The following ARFGEF3 variants were observed in gnomAD, a reference collection of about 807,000 sequenced individuals.
ARFGEF3 encodes brefeldin A-inhibited guanine nucleotide-exchange protein 3.
In ARFGEF3, 96 loss-of-function variants were observed where a neutral mutation model predicts 221.7. The ratio of observed to expected loss-of-function variants is 0.43; its 90% confidence interval spans 0.37 to 0.51. The LOEUF is 0.51. Ranked by LOEUF, ARFGEF3 falls within the 20% of genes least tolerant of loss-of-function variation. ARFGEF3 has a pLI of 0.00. For missense variants in ARFGEF3, 2,410 were observed against 2,789.9 expected (o/e 0.86, Z 3.07); for synonymous variants, 1,145 against 1,126.8 (o/e 1.02, Z -0.32).
At chr6:138,183,731 G>T (rs958257764) in intron 2 of ARFGEF3, among the ~76,000 whole-genome samples, 4 of 152,200 alleles carry the variant, frequency 2.6e-5, no homozygotes, top group Non-Finnish European at 5.9e-5. Flanking sequence ...TGCAAGTCCT[G>T]GTTCTCCTAC....
chr6:138,250,091 G>A (rs910169943), intron 8 of ARFGEF3, among the ~76,000 whole-genome samples: 3 of 152,228 alleles, frequency 2.0e-5, no homozygotes, highest in South Asian at 2.1e-4. Context: ...CTGAATAGGC[G>A]ATTCCTCTGA....
At chr6:138,263,737 C>T in intron 12 of ARFGEF3, 126 bp downstream of exon 12, 3 of 940,704 alleles carry the variant, frequency 3.2e-6, no homozygotes, top group African/African-American at 1.7e-5. Context: ...TTGGGTTTCC[C>T]CAGTTTAAAG....
At chr6:138,323,367 G>A (rs1209407170) in intron 29 of ARFGEF3, among the ~76,000 whole-genome samples, 3 of 152,124 alleles carry the variant, frequency 2.0e-5, no homozygotes, top group Non-Finnish European at 2.9e-5. Context: ...ATATCAGCAC[G>A]TTGGGAGGCC....
At chr6:138,169,692 CCTTGT>C (rs546355206) in intron 1 of ARFGEF3, among the ~76,000 whole-genome samples, 116 of 152,324 alleles carry the variant, frequency 7.6e-4, no homozygotes, top group Non-Finnish European at 1.5e-3. Context: ...CCTCCATTGG[CCTTGT>C]CTTCACAGAA....
At chr6:138,197,288 A>G (rs947217046) in intron 2 of ARFGEF3, among the ~76,000 whole-genome samples, 2 of 152,210 alleles carry the variant, frequency 1.3e-5, no homozygotes, top group Non-Finnish European at 2.9e-5. Flanking sequence ...AGTAAAATGC[A>G]TGGAGCTGTC....
At chr6:138,330,538 C>T (rs184082820) in intron 32 of ARFGEF3, among the ~76,000 whole-genome samples, 6 of 152,148 alleles carry the variant, frequency 3.9e-5, no homozygotes, top group Non-Finnish European at 7.4e-5. Flanking sequence ...GGCGTGCTGG[C>T]TCATGCCTGT....
In ARFGEF3 at chr6:138,334,574, G is replaced by C. The variant is rs1780286216; in HGVS notation, c.5728G>C (p.Glu1910Gln). ...LVKRLHKLCMELCNNYIQMHL... is the reference protein window; with the variant it reads ...LVKRLHKLCMQLCNNYIQMHL... ...CAAGAGGCTGCACAAGCTGTGCATG[G>C]AACTGTGCAACAACTACATCCAGAT... Residue 1910 changes from glutamate (E) to glutamine (Q), a missense_variant, in exon 33 of 34, where the codon GAA becomes CAA. Around this residue, in one of 5 missense-constraint regions of ARFGEF3, gnomAD observed 723 missense variants for 991.9 expected, o/e 0.73. Transcript: ENST00000251691. The surrounding 1 kb of genome is among the most constrained non-coding windows in gnomAD (Gnocchi z 5.1). The C allele has an allele frequency of 7.4e-6, 12 of 1,613,542 alleles. No individual in the cohort carries two copies. The highest frequency in any genetic ancestry group is 1.0e-5 in the Non-Finnish European group (12 of 1,179,900).
In ARFGEF3 at chr6:138,335,171, G is replaced by C. The variant is rs756877876; in HGVS notation, c.6325G>C (p.Ala2109Pro). The C allele has an allele frequency of 1.3e-6, 2 of 1,551,790 alleles. No individual in the cohort carries two copies. The change falls in exon 33 of 34, where the codon GCA becomes CCA. Residue 2109 changes from alanine to proline, a missense_variant. This residue lies in a region of ARFGEF3 where 339 missense variants were observed against 334.9 expected (regional missense o/e 1.01). Coordinates refer to ENST00000251691, the MANE Select transcript of ARFGEF3 (RefSeq NM_020340.5). ...GSSLSVSVRD[A>P]EAQIQAWTNM... ...CTCCCTCAGTGTCTCGGTGAGAGAC[G>C]CAGAAGCACAGATCCAGGTACATCC...
chr6:138,215,223 G>C (rs113533967), intron 4 of ARFGEF3, among the ~76,000 whole-genome samples: 1 of 152,122 alleles, frequency 6.6e-6, no homozygotes, highest in Non-Finnish European at 1.5e-5. Context: ...AACTGATACA[G>C]CTGGCTGAGT....
In ARFGEF3 at chr6:138,336,795, A is replaced by G. The variant is rs1583074391; in HGVS notation, c.*309A>G. 1 of 194,702 alleles carries G rather than the reference A, an allele frequency of 5.1e-6. No individual in the cohort carries two copies. Among genetic ancestry groups the G allele is most frequent in the African/African-American group, 2.3e-5 (1 of 43,250 alleles). The allele number at this position is 194,702 out of a possible 1,614,324, so 12.1% of individuals were successfully genotyped here. On this transcript the variant is annotated 3_prime_UTR_variant, in exon 34 of 34. Coordinates refer to ENST00000251691, the MANE Select transcript of ARFGEF3 (RefSeq NM_020340.5). ...GCTTTTGCTTACAGTGTTGTCCCCA[A>G]ATGGGTCATTTTCAAGGATTACTCA...
chr6:138,184,401 T>C (rs1386288903), intron 2 of ARFGEF3, among the ~76,000 whole-genome samples: 1 of 152,124 alleles, frequency 6.6e-6, no homozygotes, highest in Non-Finnish European at 1.5e-5. Flanking sequence ...AACAAGTGAA[T>C]GAAATGTCAC....
intron 6 of ARFGEF3, among the ~76,000 whole-genome samples, chr6:138,239,254 T>C (rs1053801597): frequency 3.3e-5 from 5 of 152,204 alleles, no homozygotes; most frequent in Non-Finnish European, 7.4e-5. Context: ...TGGTGTTTTG[T>C]GTTGTTTTAA....
rs1217802093 is a variant in ARFGEF3 at position 138,319,715 on chromosome 6, G to GTATC, written c.4491_4494dup (p.Ala1499LeufsTer20). Reference sequence around the variant, plus strand: ...TTTTCTTTTTCAGGACCAGGGTTTGGTATCTATGCAGTGGTTCACCTCCTC... The same window carrying GTATC: ...TTTTCTTTTTCAGGACCAGGGTTTGGTATCTATCTATGCAGTGGTTCACCTCCTC... On this transcript the variant is annotated frameshift_variant, in exon 28 of 34. Coordinates refer to ENST00000251691, the MANE Select transcript of ARFGEF3 (RefSeq NM_020340.5). LOFTEE classifies it high-confidence loss of function. 6.3e-7 allele frequency: 1 copy of GTATC among 1,597,756 alleles called. No homozygotes were observed. Among genetic ancestry groups the GTATC allele is most frequent in the African/African-American group, 1.4e-5 (1 of 74,058 alleles).
chr6:138,224,080 T>C (rs898922785), intron 4 of ARFGEF3, among the ~76,000 whole-genome samples: 3 of 152,192 alleles, frequency 2.0e-5, no homozygotes, highest in African/African-American at 7.2e-5. Flanking sequence ...AGCTGCTCTC[T>C]CATCACTTTA....
At chr6:138,331,957 C>G in intron 32 of ARFGEF3, among the ~76,000 whole-genome samples, 1 of 151,884 alleles carries the variant, frequency 6.6e-6, no homozygotes, top group Admixed American at 6.6e-5. Context: ...ATTTGCTGTC[C>G]TTTTTTACAT....
intron 22 of ARFGEF3, among the ~76,000 whole-genome samples, chr6:138,305,447 A>AT (rs1562386341): frequency 3.1e-4 from 47 of 151,926 alleles, no homozygotes; most frequent in African/African-American, 1.1e-3. Flanking sequence ...ACAAAAAAAA[A>AT]GTATATATAT....
In ARFGEF3 at chr6:138,291,162, G is replaced by A. The variant is rs915011773; in HGVS notation, c.3048-571G>A. Among the ~76,000 whole-genome samples the A allele has an allele frequency of 6.6e-6, 1 of 152,126 alleles. No homozygotes were observed. Among genetic ancestry groups the A allele is most frequent in the Non-Finnish European group, 1.5e-5 (1 of 68,018 alleles). Reference sequence around the variant, plus strand: ...AGCACATGTGGTGACCCTTCTCTGTGTCTGCCATAATTCGGTGACTGCCCT... The same window carrying A: ...AGCACATGTGGTGACCCTTCTCTGTATCTGCCATAATTCGGTGACTGCCCT... On this transcript the variant is annotated intron_variant, in intron 18 of 33. Coordinates refer to ENST00000251691, the MANE Select transcript of ARFGEF3 (RefSeq NM_020340.5). The surrounding 1 kb of genome is among the most constrained non-coding windows in gnomAD (Gnocchi z 4.5).
chr6:138,239,968 C>T (rs1778363233), intron 6 of ARFGEF3, among the ~76,000 whole-genome samples: 1 of 152,144 alleles, frequency 6.6e-6, no homozygotes, highest in African/African-American at 2.4e-5. Flanking sequence ...AGTGCAAGTT[C>T]TCAGTTAATA....
At chr6:138,329,689 AC>A (rs1780189410) in intron 32 of ARFGEF3, among the ~76,000 whole-genome samples, 3 of 152,052 alleles carry the variant, frequency 2.0e-5, no homozygotes, top group African/African-American at 7.2e-5. Flanking sequence ...AAAAAAACAA[AC>A]TGGGTTTGGT....
Sources: gnomAD v4.1 joint callset for allele counts (sites outside exome capture counted in the v4.1 genomes callset) on GRCh38, gnomAD v4.1.1 for gene constraint, gnomAD v4.1.1 regional missense constraint, Gnocchi (gnomAD v3.1) non-coding constraint, MANE v1.5 for transcripts, NCBI Gene and HGNC (gene_info 2026-07-23, HGNC 2026-07-21) for gene names.